Variants in DGAT2 observed in about 807,000 individuals in gnomAD.
The protein encoded by DGAT2 is diacylglycerol O-acyltransferase 2, also known as acyl-CoA retinol O-fatty-acyltransferase.
Under a neutral mutation model 48.4 loss-of-function variants are expected in DGAT2, and 33 were observed. The ratio of observed to expected loss-of-function variants is 0.68; its 90% CI spans 0.52 to 0.91. The LOEUF (loss-of-function observed/expected upper bound fraction) is 0.91, where lower values mean the gene tolerates loss of function less well. DGAT2 is among the 40% of genes least tolerant of loss of function. DGAT2 has a pLI of 0.00. For missense variants in DGAT2, 446 were observed against 493.7 expected (o/e 0.90, Z 0.92); for synonymous variants, 191 against 194.1 (o/e 0.98, Z 0.13).
chr11:75,790,810 G>A, intron 4 of DGAT2, 79 bp downstream of exon 4: 1 of 1,468,936 alleles, frequency 6.8e-7, no homozygotes, highest in South Asian at 1.1e-5. Flanking sequence ...CACCCACAGG[G>A]AAGCAAGTTT....
intron 1 of DGAT2, 115 bp downstream of exon 1, chr11:75,769,227 C>A: frequency 1.6e-6 from 2 of 1,286,666 alleles, no homozygotes; most frequent in Non-Finnish European, 2.0e-6. Flanking sequence ...TGGCACTCAT[C>A]AATTTTTACG....
In DGAT2 at chr11:75,784,619, C is replaced by T; in HGVS notation, c.123C>T (p.Gly41=). 1 of 1,613,994 alleles carries T rather than the reference C, an allele frequency of 6.2e-7. No individual in the cohort carries two copies. The change falls in exon 2 of 8, where the codon GGC becomes GGT. Residue 41 remains glycine (G), a splice_region_variant and synonymous_variant. Transcript: ENST00000228027. ...ACTGACATCTTCCCTCTGCTGTAGG[C>T]ACTGGATCCAGCATCCTCTCCGCCC... is the stretch of plus-strand genomic sequence containing the variant. ...ALSREGSGRW[G]TGSSILSALQ... is the part of the protein sequence containing the mutation.
chr11:75,775,679 A>T (rs1411746134), intron 1 of DGAT2, among the ~76,000 whole-genome samples: 1 of 152,142 alleles, frequency 6.6e-6, no homozygotes, highest in Admixed American at 6.5e-5. Flanking sequence ...CTAGACTCAC[A>T]GTCTCTGTGC....
rs185665329 is a variant in DGAT2, at chr11:75,778,101, T to C, written c.122-6517T>C. Among the ~76,000 whole-genome samples, 220 of 152,296 alleles carry C rather than the reference T, an allele frequency of 1.4e-3. 1 individual carries two copies. Among genetic ancestry groups the C allele is most frequent in the African/African-American group, 5.0e-3 (208 of 41,548 alleles). ...TGTATGTGCTCTATGCCTTGGGTCT[T>C]AGCTCTGTCCCCACCCACCTCACCC... On this transcript the variant is annotated intron_variant, in intron 1 of 7. Coordinates refer to ENST00000228027, the MANE Select transcript of DGAT2 (RefSeq NM_032564.5).
At chr11:75,796,288 C>T (rs756299010) in intron 4 of DGAT2, 40 bp from the exon 5 acceptor site, 1 of 1,584,174 alleles carries the variant, frequency 6.3e-7, no homozygotes, top group Non-Finnish European at 8.7e-7. Flanking sequence ...CGGTATCCCT[C>T]TCCCAGCCAG....
At chr11:75,769,169 C>T in intron 1 of DGAT2, 57 bp downstream of exon 1, 1 of 1,503,854 alleles carries the variant, frequency 6.6e-7, no homozygotes, top group South Asian at 1.3e-5. Context: ...GGAAAGGGCC[C>T]TGTGGCAGGC....
chr11:75,777,882 C>G (rs1464607413), intron 1 of DGAT2, among the ~76,000 whole-genome samples: 1 of 152,194 alleles, frequency 6.6e-6, no homozygotes, highest in East Asian at 1.9e-4. Flanking sequence ...CTTCATAGCT[C>G]TCGTCGCTGC....
intron 1 of DGAT2, among the ~76,000 whole-genome samples, chr11:75,780,620 TC>T (rs1300243901): frequency 6.6e-6 from 1 of 152,070 alleles, no homozygotes; most frequent in Non-Finnish European, 1.5e-5. Flanking sequence ...GGAAAACAGA[TC>T]ATTCATTTCT....
chr11:75,797,384 G>A, intron 6 of DGAT2, 52 bp downstream of exon 6: 1 of 1,378,368 alleles, frequency 7.3e-7, no homozygotes, highest in Non-Finnish European at 9.4e-7. Flanking sequence ...CTCAGCCCAG[G>A]GCAGCAGACT....
Position 75,797,221 on chromosome 11 carries a change from C to A in DGAT2, c.698C>A (p.Ala233Asp). Residue 233 changes from alanine to aspartate, a missense_variant, in exon 6 of 8, where the codon GCT becomes GAT. Coordinates refer to ENST00000228027, the MANE Select transcript of DGAT2 (RefSeq NM_032564.5). ...CTTTCAAAGAATGGGAGTGGCAATG[C>A]TATCATCATCGTGGTCGGGGGTGCG... ...YLLSKNGSGN[A>D]IIIVVGGAAE... The A allele has an allele frequency of 6.3e-7, 1 of 1,580,264 alleles. No homozygotes were observed. Among genetic ancestry groups the A allele is most frequent in the Non-Finnish European group, 8.6e-7 (1 of 1,162,658 alleles).
chr11:75,799,790 T>G (rs1000644478), intron 7 of DGAT2, among the ~76,000 whole-genome samples: 4 of 150,510 alleles, frequency 2.7e-5, no homozygotes, highest in African/African-American at 9.8e-5. Flanking sequence ...ATTTTTTGTA[T>G]TTTTTTTTGG....
chr11:75,778,943 C>G (rs1026685183), intron 1 of DGAT2, among the ~76,000 whole-genome samples: 1 of 152,152 alleles, frequency 6.6e-6, no homozygotes, highest in African/African-American at 2.4e-5. Flanking sequence ...GGTGACTTGC[C>G]CGAGGTCACA....
At chr11:75,771,273 G>T (rs1010257969) in intron 1 of DGAT2, among the ~76,000 whole-genome samples, 1 of 152,146 alleles carries the variant, frequency 6.6e-6, no homozygotes, top group Non-Finnish European at 1.5e-5. Context: ...TGTGCCAGAC[G>T]TGGAGTTTGC....
chr11:75,778,934 G>A (rs1444892997), intron 1 of DGAT2, among the ~76,000 whole-genome samples: 2 of 152,118 alleles, frequency 1.3e-5, no homozygotes, highest in Non-Finnish European at 2.9e-5. Context: ...CTAGAGTTAG[G>A]TGACTTGCCC....
Position 75,798,367 on chromosome 11 carries a change from G to C in DGAT2, c.950G>C (p.Arg317Pro). Residue 317 changes from arginine (R) to proline (P), a missense_variant, in exon 7 of 8, where the codon CGA (arginine) becomes CCA (proline). By Grantham distance (103) the Arg-to-Pro change is moderately radical. Coordinates refer to ENST00000228027, the MANE Select transcript of DGAT2 (RefSeq NM_032564.5). ...IGFAPCIFHG[R>P]GLFSSDTWGL... Reference sequence around the variant, plus strand: ...TTCGCCCCATGCATCTTCCATGGTCGAGGCCTCTTCTCCTCCGACACCTGG... The same window carrying C: ...TTCGCCCCATGCATCTTCCATGGTCCAGGCCTCTTCTCCTCCGACACCTGG... 6.2e-7 allele frequency: 1 copy of C among 1,614,070 alleles called. No individual in the cohort carries two copies. The highest frequency in any genetic ancestry group is 8.5e-7 in the Non-Finnish European group (1 of 1,180,030).
rs778985290 is a variant in DGAT2 at position 75,797,257 on chromosome 11, T to A, written c.734T>A (p.Leu245Gln). 3 of 1,580,892 alleles carry A rather than the reference T, an allele frequency of 1.9e-6. No homozygotes were observed. In the East Asian group the frequency reaches 7.1e-5, roughly 37 times the overall value. Reference protein sequence around the residue: ...IIVVGGAAESLSSMPGKNAVT... With the variant: ...IIVVGGAAESQSSMPGKNAVT... Reference sequence around the variant, plus strand: ...GTGGTCGGGGGTGCGGCTGAGTCTCTGAGCTCCATGCCTGGCAAGAATGCA... The same window carrying A: ...GTGGTCGGGGGTGCGGCTGAGTCTCAGAGCTCCATGCCTGGCAAGAATGCA... The change falls in exon 6 of 8, where the codon CTG (leucine) becomes CAG (glutamine). Residue 245 changes from leucine (L) to glutamine (Q), a missense_variant. Leu to Gln is a moderately radical substitution (Grantham distance 113). Transcript: ENST00000228027.
Position 75,797,241 on chromosome 11 carries a change from G to C in DGAT2, c.718G>C (p.Gly240Arg), listed in dbSNP as rs750601307. Reference protein sequence around the residue: ...SGNAIIIVVGGAAESLSSMPG... With the variant: ...SGNAIIIVVGRAAESLSSMPG... ...CAATGCTATCATCATCGTGGTCGGG[G>C]GTGCGGCTGAGTCTCTGAGCTCCAT... Residue 240 changes from glycine to arginine, a missense_variant, in exon 6 of 8, where the codon GGT becomes CGT. Transcript: ENST00000228027. The C allele has an allele frequency of 6.3e-7, 1 of 1,583,072 alleles. No homozygotes were observed. The highest frequency in any genetic ancestry group is 8.6e-7 in the Non-Finnish European group (1 of 1,164,060).
At position 75,780,732 on chromosome 11, in the gene DGAT2, G is replaced by A. The variant is rs145761525; in HGVS notation, c.122-3886G>A. ...GCAACATCGGAGCAGATGCAGGCCT[G>A]AAGGTTGGGCCTGAATTGGGTTCAG... On this transcript the variant is annotated intron_variant, in intron 1 of 7. Coordinates refer to ENST00000228027, the MANE Select transcript of DGAT2 (RefSeq NM_032564.5). 1.6e-4 allele frequency among the ~76,000 whole-genome samples: 25 copies of A among 152,352 alleles called. No homozygotes were observed. The East Asian group carries it at 4.8e-3, about 29-fold the overall frequency.
At chr11:75,800,278 C>T (rs948610885) in intron 7 of DGAT2, 76 bp from the exon 8 acceptor site, 2 of 1,540,192 alleles carry the variant, frequency 1.3e-6, no homozygotes, top group Non-Finnish European at 8.8e-7. Flanking sequence ...AGCCCAGCGT[C>T]ACCACCTTCA....
Sources: allele counts gnomAD v4.1 joint callset (sites outside exome capture counted in the v4.1 genomes callset), GRCh38; gene constraint gnomAD v4.1.1; transcripts MANE v1.5; gene names NCBI Gene and HGNC (gene_info 2026-07-23, HGNC 2026-07-21).